The following TRAPPC8 variants were observed in gnomAD, a reference collection of about 807,000 sequenced individuals.
TRAPPC8 encodes the protein trafficking protein particle complex subunit 8, also known as general sporulation gene 1 homolog.
Under a neutral mutation model 174.3 loss-of-function variants are expected in TRAPPC8, and 54 were observed. The ratio of observed to expected loss-of-function variants is 0.31; its 90% confidence interval spans 0.25 to 0.39. The LOEUF is 0.39. TRAPPC8 is among the 10% of genes least tolerant of loss of function. The probability of loss-of-function intolerance (pLI) is 1.00; values close to 1 mark genes in which losing one functional copy is unlikely to be tolerated. For missense variants in TRAPPC8, 1,531 were observed against 1,699.1 expected, an observed-to-expected ratio of 0.90 and a Z score of 1.74; for synonymous variants, 630 against 579.9, an observed-to-expected ratio of 1.09 and a Z score of -1.24.
rs368466142 is a variant in TRAPPC8 at position 31,900,927 on chromosome 18, G to A, written c.1488C>T (p.Cys496=). 6.3e-7 allele frequency: 1 copy of A among 1,584,228 alleles called. No homozygotes were observed. The highest frequency in any genetic ancestry group is 8.5e-7 in the Non-Finnish European group (1 of 1,170,078). ...DTAIQTYRDI[C]KNMVLAERCV... ...ATAAATCTTATATAGTCACCTACTT[G>A]CAGATATCTCTGTATGTCTGAATTG... is the stretch of plus-strand genomic sequence containing the variant. The change falls in exon 10 of 29, where the codon TGC becomes TGT. Residue 496 remains cysteine (C), a splice_region_variant and synonymous_variant. Coordinates refer to ENST00000283351, the MANE Select transcript of TRAPPC8 (RefSeq NM_014939.5).
intron 12 of TRAPPC8, among the ~76,000 whole-genome samples, chr18:31,881,005 G>A (rs2035423129): frequency 6.6e-6 from 1 of 150,766 alleles, no homozygotes; most frequent in South Asian, 2.1e-4. Context: ...ACAAACAAAA[G>A]AACAAAAAAA....
At chr18:31,935,855 C>A (rs2038074591) in intron 1 of TRAPPC8, among the ~76,000 whole-genome samples, 1 of 151,806 alleles carries the variant, frequency 6.6e-6, no homozygotes, top group Non-Finnish European at 1.5e-5. Flanking sequence ...CCTGCCTCAG[C>A]CTCCCGAGTA....
intron 9 of TRAPPC8, among the ~76,000 whole-genome samples, chr18:31,906,733 G>A (rs2036677447): frequency 6.6e-6 from 1 of 152,174 alleles, no homozygotes; most frequent in Admixed American, 6.5e-5. Flanking sequence ...ACCTGGCTTT[G>A]TAATCAATTA....
chr18:31,886,322 ATTT>A (rs2035711041), intron 12 of TRAPPC8, among the ~76,000 whole-genome samples: 1 of 139,046 alleles, frequency 7.2e-6, no homozygotes, highest in African/African-American at 2.8e-5. Flanking sequence ...TTCCAAATTA[ATTT>A]TTAAGTGATG....
intron 13 of TRAPPC8, 194 bp downstream of exon 13, chr18:31,874,286 T>A (rs111336388): frequency 5.5e-6 from 3 of 547,132 alleles, no homozygotes; most frequent in African/African-American, 1.9e-5. Flanking sequence ...AATATTAAAA[T>A]TCTCTTTTCA....
chr18:31,930,031 C>T (rs2037782461), intron 2 of TRAPPC8, among the ~76,000 whole-genome samples: 1 of 151,814 alleles, frequency 6.6e-6, no homozygotes, highest in South Asian at 2.1e-4. Context: ...CGAAATAATT[C>T]TACAAATATT....
At chr18:31,836,438 T>A (rs2032724965) in intron 27 of TRAPPC8, among the ~76,000 whole-genome samples, 7 of 152,126 alleles carry the variant, frequency 4.6e-5, no homozygotes, top group Admixed American at 4.6e-4. Flanking sequence ...CTCCTAAACA[T>A]CCTAGCCTCT....
At chr18:31,858,735 A>ATT (rs2034165867) in intron 19 of TRAPPC8, among the ~76,000 whole-genome samples, 1 of 152,238 alleles carries the variant, frequency 6.6e-6, no homozygotes. Context: ...ACTTGTGCTT[A>ATT]AAGAGACAGA....
At chr18:31,849,957 C>CTT (rs202004944) in intron 24 of TRAPPC8, among the ~76,000 whole-genome samples, 4 of 145,482 alleles carry the variant, frequency 2.7e-5, no homozygotes, top group African/African-American at 5.0e-5. Flanking sequence ...TACCCTAAAT[C>CTT]TTTTTTTTTT....
rs527984473 is a variant in TRAPPC8 at position 31,830,962 on chromosome 18, T to G, written c.4101A>C (p.Ser1367=). 4.3e-6 allele frequency: 7 copies of G among 1,613,728 alleles called. No homozygotes were observed. The East Asian group carries it at 1.6e-4, about 36-fold the overall frequency. ...ACTGTGTTTGTCCAAGCCATGTGAATGATCCATGGATTTCCAGTGCTTCTG... is the reference window on the plus strand; with the variant it reads ...ACTGTGTTTGTCCAAGCCATGTGAAGGATCCATGGATTTCCAGTGCTTCTG... ...TSPEALEIHG[S]FTWLGQTQYK... Residue 1367 remains serine (S), a synonymous_variant, in exon 29 of 29, where the codon TCA becomes TCC. Transcript: ENST00000283351.
intron 2 of TRAPPC8, among the ~76,000 whole-genome samples, chr18:31,929,113 T>G (rs1319216483): frequency 2.1e-4 from 30 of 145,284 alleles, no homozygotes; most frequent in Admixed American, 1.9e-3. Context: ...ACCCGGGAGG[T>G]GGAGGTTTCA....
At chr18:31,896,115 T>C (rs990065466) in intron 11 of TRAPPC8, 3 of 152,184 alleles carry the variant, frequency 2.0e-5, no homozygotes, top group Non-Finnish European at 4.4e-5. Flanking sequence ...TTTTACAGCA[T>C]TGTATGAGAG....
At chr18:31,916,974 G>A (rs1185390643) in intron 3 of TRAPPC8, among the ~76,000 whole-genome samples, 3 of 150,160 alleles carry the variant, frequency 2.0e-5, no homozygotes, top group Non-Finnish European at 4.4e-5. Context: ...CAGTTTTTTC[G>A]GCCATTAATA....
intron 9 of TRAPPC8, among the ~76,000 whole-genome samples, chr18:31,903,121 C>CGTGCATGTGT (rs1555674907): frequency 6.7e-6 from 1 of 149,010 alleles, no homozygotes; most frequent in African/African-American, 2.5e-5. Flanking sequence ...TGCGTGCGTG[C>CGTGCATGTGT]GTGTGTGTGT....
At chr18:31,900,536 G>A (rs1017246142) in intron 10 of TRAPPC8, among the ~76,000 whole-genome samples, 3 of 152,186 alleles carry the variant, frequency 2.0e-5, no homozygotes, top group Non-Finnish European at 2.9e-5. Context: ...TCTCCTCATA[G>A]GTGGTGAGTT....
At chr18:31,917,725 G>T in intron 2 of TRAPPC8, 58 bp from the exon 3 acceptor site, 2 of 1,483,696 alleles carry the variant, frequency 1.3e-6, no homozygotes, top group South Asian at 2.5e-5. Flanking sequence ...GTTTACAACA[G>T]ACAAAATTTC....
At chr18:31,890,464 T>C (rs926715475) in intron 12 of TRAPPC8, among the ~76,000 whole-genome samples, 1 of 152,180 alleles carries the variant, frequency 6.6e-6, no homozygotes, top group Admixed American at 6.5e-5. Flanking sequence ...ACAAATGTGA[T>C]TTAGTTTAAC....
intron 10 of TRAPPC8, 117 bp downstream of exon 10, chr18:31,900,805 ACCT>A (rs1467330136): frequency 1.4e-6 from 1 of 715,068 alleles, no homozygotes; most frequent in Non-Finnish European, 2.2e-6. Flanking sequence ...TTTAAAAATC[ACCT>A]CAACTTGTCT....
chr18:31,831,074 T>A (rs1168477707), intron 28 of TRAPPC8, 85 bp from the exon 29 acceptor site: 2 of 1,156,574 alleles, frequency 1.7e-6, no homozygotes, highest in African/African-American at 3.1e-5. Context: ...CCCTTTCAGC[T>A]GGGCGCGGTG....
Sources: gnomAD v4.1 joint callset for allele counts (sites outside exome capture counted in the v4.1 genomes callset) on GRCh38, gnomAD v4.1.1 for gene constraint, MANE v1.5 for transcripts, NCBI Gene and HGNC (gene_info 2026-07-23, HGNC 2026-07-21) for gene names.